Variants in TMTC4 observed in about 807,000 individuals in gnomAD.
TMTC4 encodes the protein transmembrane O-mannosyltransferase targeting cadherins 4, also known as protein O-mannosyl-transferase TMTC4.
TMTC4 carries 65 observed loss-of-function variants against 86.0 expected under a neutral mutation model. The ratio of observed to expected loss-of-function variants is 0.76; its 90% confidence interval spans 0.62 to 0.93. The LOEUF (loss-of-function observed/expected upper bound fraction) is 0.93. Among genes scored for constraint, TMTC4 ranks in the 40% least tolerant of loss-of-function variants. The pLI is 0.00. For missense variants in TMTC4, 866 were observed against 948.1 expected (o/e 0.91, Z 1.14); for synonymous variants, 379 against 382.5 (o/e 0.99, Z 0.11).
intron 8 of TMTC4, 111 bp downstream of exon 8, chr13:100,637,819 G>A: frequency 6.5e-7 from 1 of 1,534,474 alleles, no homozygotes; most frequent in Non-Finnish European, 8.9e-7. Flanking sequence ...GCTTTAAAAG[G>A]CTGGTTATTG....
intron 12 of TMTC4, among the ~76,000 whole-genome samples, chr13:100,632,045 ACACACACACTCTCTCTCT>A (rs1455080895): frequency 9.8e-4 from 64 of 65,104 alleles, no homozygotes; most frequent in East Asian, 3.4e-3. Context: ...ACACACACAC[ACACACACACTCTCTCTCT>A]CTCTCTCTCT....
In TMTC4 at chr13:100,636,466, G is replaced by A. The variant is rs1377001189; in HGVS notation, c.1202+66C>T. On this transcript the variant is annotated intron_variant, in intron 10 of 18. Coordinates refer to ENST00000342624, the MANE Select transcript of TMTC4 (RefSeq NM_032813.5). The stretch of plus-strand genomic sequence containing the variant: ...CCACAAAATCATAAAAATGATCAGC[G>A]CAGGATTTCACAAAACGCTTCTGAC... 32 of 1,564,844 alleles carry A rather than the reference G, an allele frequency of 2.0e-5. No homozygotes were observed. In the East Asian group the frequency reaches 4.3e-4, roughly 21 times the overall value.
At position 100,664,307 on chromosome 13, in the gene TMTC4, G is replaced by T. The variant is rs1355710046; in HGVS notation, c.249C>A (p.Asp83Glu). ...KDLQAETPLG[D>E]LWHHDFWGSR... ...TGCCCCAGAAGTCATGATGCCACAG[G>T]TCCCCCAGGGGCGTTTCTGCTTGGA... The change falls in exon 4 of 19, where the codon GAC becomes GAA. Residue 83 changes from aspartate to glutamate, a missense_variant. Physicochemically the swap from Asp to Glu is conservative, Grantham distance 45. Coordinates refer to ENST00000342624, the MANE Select transcript of TMTC4 (RefSeq NM_032813.5). 4.3e-6 allele frequency: 7 copies of T among 1,611,058 alleles called. No homozygotes were observed. The highest frequency in any genetic ancestry group is 5.9e-6 in the Non-Finnish European group (7 of 1,178,512).
At chr13:100,669,369 T>A (rs1886788893) in intron 2 of TMTC4, among the ~76,000 whole-genome samples, 1 of 152,066 alleles carries the variant, frequency 6.6e-6, no homozygotes. Flanking sequence ...CAGGATCGAA[T>A]GCTGGGTTCC....
intron 5 of TMTC4, among the ~76,000 whole-genome samples, 157 bp from the exon 6 acceptor site, chr13:100,656,625 C>T (rs1244250397): frequency 6.9e-6 from 1 of 145,278 alleles, no homozygotes; most frequent in Non-Finnish European, 1.5e-5. Context: ...TCACTGTAGC[C>T]TCAACCCCCC....
At chr13:100,652,245 G>A (rs1468224222) in intron 6 of TMTC4, among the ~76,000 whole-genome samples, 2 of 152,164 alleles carry the variant, frequency 1.3e-5, no homozygotes, top group African/African-American at 2.4e-5. Flanking sequence ...TTGGGAGGCC[G>A]AGGTGGGCAG....
intron 5 of TMTC4, among the ~76,000 whole-genome samples, chr13:100,656,918 T>G (rs1370743232): frequency 1.3e-5 from 2 of 152,174 alleles, no homozygotes; most frequent in African/African-American, 4.8e-5. Context: ...ATACATGATG[T>G]AGCTGTGCAA....
At position 100,637,912 on chromosome 13, in the gene TMTC4, A is replaced by G. The variant is rs1260886743; in HGVS notation, c.834+18T>C. On this transcript the variant is annotated intron_variant, in intron 8 of 18. Coordinates refer to ENST00000342624, the MANE Select transcript of TMTC4 (RefSeq NM_032813.5). ...GACATTTTCCATGTCTGGGCTGGAG[A>G]TAAAAGTACAGACTCACCTCTAATG... The G allele has an allele frequency of 4.4e-6, 7 of 1,589,632 alleles. No homozygotes were observed. Among genetic ancestry groups the G allele is most frequent in the Non-Finnish European group, 6.0e-6 (7 of 1,163,980 alleles).
chr13:100,675,030 G>C (rs565330792), upstream of TMTC4: 49 of 985,676 alleles, frequency 5.0e-5, no homozygotes, highest in South Asian at 2.1e-3. Flanking sequence ...GCCAGGGGGC[G>C]CTAGTCGGCG....
rs1882427530 is a variant in TMTC4, at chr13:100,637,597, GGCCCGT to G, written c.934_939del (p.Thr312_Gly313del). The G allele has an allele frequency of 3.1e-6, 5 of 1,614,168 alleles. No homozygotes were observed. Among genetic ancestry groups the G allele is most frequent in the Non-Finnish European group, 4.2e-6 (5 of 1,180,042 alleles). Reference sequence around the variant, plus strand: ...TTGTCCACCTCGGTGAAGGCCGGCGGGCCCGTGCCCATGATCCTCCAGCGCACGTAG... The same window carrying G: ...TTGTCCACCTCGGTGAAGGCCGGCGGGCCCATGATCCTCCAGCGCACGTAG... On this transcript the variant is annotated inframe_deletion, in exon 9 of 19. Coordinates refer to ENST00000342624, the MANE Select transcript of TMTC4 (RefSeq NM_032813.5).
intron 5 of TMTC4, among the ~76,000 whole-genome samples, chr13:100,660,474 A>G (rs1233066598): frequency 3.9e-5 from 6 of 152,058 alleles, no homozygotes; most frequent in Admixed American, 3.9e-4. Flanking sequence ...CCAAATCCCC[A>G]TTGTCCTCAT....
At chr13:100,615,137 T>A (rs1401534625) in intron 15 of TMTC4, among the ~76,000 whole-genome samples, 5 of 152,052 alleles carry the variant, frequency 3.3e-5, no homozygotes, top group Non-Finnish European at 4.4e-5. Flanking sequence ...CTTTTATTAT[T>A]ATTATTATTT....
chr13:100,661,750 T>C lies in TMTC4; in HGVS notation c.552+1214A>G, dbSNP rs77485753. ...CCACAACACTCTTGATACTGAAGAATAGACAATTTACTAAAGTCAGATGCT... is the reference window on the plus strand; with the variant it reads ...CCACAACACTCTTGATACTGAAGAACAGACAATTTACTAAAGTCAGATGCT... On this transcript the variant is annotated intron_variant, in intron 5 of 18. Coordinates refer to ENST00000342624, the MANE Select transcript of TMTC4 (RefSeq NM_032813.5). 5.7e-3 allele frequency among the ~76,000 whole-genome samples: 868 copies of C among 152,328 alleles called. 13 individuals carry two copies. The highest frequency in any genetic ancestry group is 0.02 in the East Asian group (102 of 5,178).
At position 100,634,794 on chromosome 13, in the gene TMTC4, C is replaced by A; in HGVS notation, c.1506+11G>T. The A allele has an allele frequency of 6.2e-7, 1 of 1,609,220 alleles. No individual in the cohort carries two copies. The highest frequency in any genetic ancestry group is 1.1e-5 in the South Asian group (1 of 90,172). ...TAAGGTCCCTTTAAAAGAAATCTGG[C>A]AGCTAGGTACCTTAGCATTGAGGGG... On this transcript the variant is annotated intron_variant, in intron 12 of 18. Coordinates refer to ENST00000342624, the MANE Select transcript of TMTC4 (RefSeq NM_032813.5).
chr13:100,629,152 AAAAGAAAAAGAAAAAGTG>A (rs1880972558), intron 12 of TMTC4, among the ~76,000 whole-genome samples: 1 of 152,210 alleles, frequency 6.6e-6, no homozygotes, highest in African/African-American at 2.4e-5. Flanking sequence ...CTGTCTCACA[AAAAGAAAAAGAAAAAGTG>A]AAAGAAAAAG....
At chr13:100,658,466 G>A (rs1167089698) in intron 5 of TMTC4, among the ~76,000 whole-genome samples, 1 of 152,084 alleles carries the variant, frequency 6.6e-6, no homozygotes, top group Non-Finnish European at 1.5e-5. Context: ...CTTTAGAGAA[G>A]AGAAAGCAAT....
At chr13:100,612,354 T>G in intron 17 of TMTC4, 44 bp downstream of exon 17, 1 of 1,428,096 alleles carries the variant, frequency 7.0e-7, no homozygotes, top group Non-Finnish European at 9.7e-7. Context: ...TTCTGTCAGA[T>G]GCTGGCACTA....
At chr13:100,662,754 T>C (rs1008489641) in intron 5 of TMTC4, among the ~76,000 whole-genome samples, 2 of 152,158 alleles carry the variant, frequency 1.3e-5, no homozygotes, top group African/African-American at 4.8e-5. Context: ...ACAAGAGATG[T>C]CTCTGCCCCA....
At chr13:100,618,630 C>T (rs1332306137) in intron 15 of TMTC4, among the ~76,000 whole-genome samples, 1 of 151,732 alleles carries the variant, frequency 6.6e-6, no homozygotes, top group Non-Finnish European at 1.5e-5. Flanking sequence ...GGCAGAGGAC[C>T]CTGCGGCCTT....
Sources: gnomAD v4.1 joint callset for allele counts (sites outside exome capture counted in the v4.1 genomes callset) on GRCh38, gnomAD v4.1.1 for gene constraint, MANE v1.5 for transcripts, NCBI Gene and HGNC (gene_info 2026-07-23, HGNC 2026-07-21) for gene names.